IGF1R: variants seen among roughly 807,000 people sequenced by gnomAD.
IGF1R encodes the protein insulin like growth factor 1 receptor.
IGF1R carries 44 observed loss-of-function variants against 144.6 expected under a neutral mutation model. The ratio of observed to expected loss-of-function variants is 0.30; its 90% CI spans 0.24 to 0.39. The LOEUF is 0.39. Ranked by LOEUF, IGF1R falls within the 10% of genes least tolerant of loss-of-function variation. The pLI is 1.00. For missense variants in IGF1R, 1,355 were observed against 1,833.7 expected, an observed-to-expected ratio of 0.74 and a Z score of 4.77; for synonymous variants, 795 against 722.8, an observed-to-expected ratio of 1.10 and a Z score of -1.60.
chr15:98,899,435 C>G (rs765217219), intron 4 of IGF1R, 42 bp from the exon 5 acceptor site: 2 of 1,606,362 alleles, frequency 1.2e-6, no homozygotes, highest in Non-Finnish European at 1.7e-6. Context: ...GTCACCCTTA[C>G]ACCAAGTGAG....
At chr15:98,853,582 G>T (rs540001538) in intron 2 of IGF1R, among the ~76,000 whole-genome samples, 1 of 152,228 alleles carries the variant, frequency 6.6e-6, no homozygotes, top group Non-Finnish European at 1.5e-5. Context: ...AGATGGTTTG[G>T]AATATTTTGT....
At chr15:98,791,396 T>C (rs2056124578) in intron 2 of IGF1R, among the ~76,000 whole-genome samples, 1 of 152,254 alleles carries the variant, frequency 6.6e-6, no homozygotes, top group South Asian at 2.1e-4. Flanking sequence ...TATTTTTATA[T>C]GACATTTTAC....
chr15:98,959,371 A>AC lies in IGF1R; in HGVS notation c.*1935dup, dbSNP rs1007961833. Reference sequence around the variant, plus strand: ...GGCAGGGCCTGTTGTGGCCCTCGCCACCCCCCTCACCGGACCGACTGACCT... The same window carrying AC: ...GGCAGGGCCTGTTGTGGCCCTCGCCACCCCCCCTCACCGGACCGACTGACCT... On this transcript the variant is annotated 3_prime_UTR_variant, in exon 21 of 21. Coordinates refer to ENST00000650285, the MANE Select transcript of IGF1R (RefSeq NM_000875.5). The AC allele has an allele frequency of 3.4e-5, 8 of 233,512 alleles. No homozygotes were observed. Among genetic ancestry groups the AC allele is most frequent in the Non-Finnish European group, 6.8e-5 (8 of 118,024 alleles). 14.5% of individuals were successfully genotyped at this position (233,512 alleles called of 1,614,324 possible).
intron 3 of IGF1R, among the ~76,000 whole-genome samples, chr15:98,893,227 G>A (rs1290940273): frequency 6.6e-6 from 1 of 152,166 alleles, no homozygotes; most frequent in South Asian, 2.1e-4. Context: ...TTTTTCTAGT[G>A]TATTATTTGG....
At chr15:98,815,659 G>C (rs550721484) in intron 2 of IGF1R, among the ~76,000 whole-genome samples, 23 of 152,312 alleles carry the variant, frequency 1.5e-4, no homozygotes, top group African/African-American at 5.1e-4. Flanking sequence ...TCAGTGCGTA[G>C]GATAGGGTCC....
At chr15:98,759,645 A>G (rs1479958551) in intron 2 of IGF1R, among the ~76,000 whole-genome samples, 2 of 152,240 alleles carry the variant, frequency 1.3e-5, no homozygotes, top group Admixed American at 1.3e-4. Context: ...TTCTGTACTG[A>G]ATAAAATAAA....
In IGF1R at chr15:98,963,046, C is replaced by CG. The variant is rs2017286043; in HGVS notation, c.*5607dup. 2 of 233,548 alleles carry CG rather than the reference C, an allele frequency of 8.6e-6. No homozygotes were observed. 14.5% of individuals were successfully genotyped at this position (233,548 alleles called of 1,614,324 possible). ...TAGGGCTCTTAAGTCCAGTAGATTACGGGTAGTCAGTTGACGAAGATCTGG... is the reference window on the plus strand; with the variant it reads ...TAGGGCTCTTAAGTCCAGTAGATTACGGGGTAGTCAGTTGACGAAGATCTGG... On this transcript the variant is annotated 3_prime_UTR_variant, in exon 21 of 21. Transcript: ENST00000650285.
chr15:98,834,687 G>A (rs570013003), intron 2 of IGF1R, among the ~76,000 whole-genome samples: 1 of 152,252 alleles, frequency 6.6e-6, no homozygotes, highest in Admixed American at 6.5e-5. Flanking sequence ...ATCACTAGAC[G>A]AGCCAAGCGA....
chr15:98,803,853 A>G (rs1567136833), intron 2 of IGF1R, among the ~76,000 whole-genome samples: 1 of 152,224 alleles, frequency 6.6e-6, no homozygotes, highest in Non-Finnish European at 1.5e-5. Flanking sequence ...TTAAATAACT[A>G]TAAAAAGTAT....
chr15:98,761,282 G>A (rs567223118), intron 2 of IGF1R, among the ~76,000 whole-genome samples: 3 of 152,360 alleles, frequency 2.0e-5, no homozygotes. Flanking sequence ...TACTGTCACT[G>A]CATACCTCTC....
intron 2 of IGF1R, among the ~76,000 whole-genome samples, chr15:98,866,449 GA>G (rs1247471086): frequency 3.3e-5 from 5 of 152,202 alleles, no homozygotes; most frequent in Non-Finnish European, 7.3e-5. Flanking sequence ...GGAATTTATT[GA>G]AAAGCAGAAT....
intron 2 of IGF1R, among the ~76,000 whole-genome samples, chr15:98,761,030 GT>G (rs1211369535): frequency 6.6e-6 from 1 of 152,250 alleles, no homozygotes; most frequent in East Asian, 1.9e-4. Context: ...TTTGTAGATT[GT>G]TGTCCTCTTG....
chr15:98,912,763 G>GAAAA (rs1299438312), intron 7 of IGF1R, among the ~76,000 whole-genome samples: 1 of 152,146 alleles, frequency 6.6e-6, no homozygotes, highest in Non-Finnish European at 1.5e-5. Context: ...TCAGAAGAGA[G>GAAAA]AAAAATAGTT....
rs35664387 is a variant in IGF1R, at chr15:98,963,184, C to CTG, written c.*5749_*5750dup. On this transcript the variant is annotated 3_prime_UTR_variant, in exon 21 of 21. Coordinates refer to ENST00000650285, the MANE Select transcript of IGF1R (RefSeq NM_000875.5). ...TAATTTAAAGACACTTTTTTTTTCT[C>CTG]TGTGTGTGCAAATGTGTGTTTGTGA... 5 of 222,334 alleles carry CTG rather than the reference C, an allele frequency of 2.2e-5. No homozygotes were observed. Among genetic ancestry groups the CTG allele is most frequent in the African/African-American group, 4.7e-5 (2 of 42,330 alleles). 13.8% of individuals were successfully genotyped at this position (222,334 alleles called of 1,614,324 possible).
chr15:98,949,539 C>G lies in IGF1R; in HGVS notation c.3722+831C>G, dbSNP rs574759336. On this transcript the variant is annotated intron_variant, in intron 20 of 20. Transcript: ENST00000650285. The stretch of plus-strand genomic sequence containing the variant: ...GATTACAGGCACCCACCACCACTCC[C>G]AGCTAATTTTTAGTAGAGATGGGGT... Among the ~76,000 whole-genome samples, 99 of 152,210 alleles carry G rather than the reference C, an allele frequency of 6.5e-4. No homozygotes were observed. In the South Asian group the frequency reaches 0.018, roughly 27 times the overall value.
chr15:98,906,846 C>T lies in IGF1R; in HGVS notation c.1248-1839C>T, dbSNP rs181691523. Among the ~76,000 whole-genome samples the T allele has an allele frequency of 2.3e-3, 345 of 152,350 alleles. 2 individuals are homozygous for T. Among genetic ancestry groups the T allele is most frequent in the Non-Finnish European group, 3.4e-3 (234 of 68,030 alleles). On this transcript the variant is annotated intron_variant, in intron 5 of 20. Coordinates refer to ENST00000650285, the MANE Select transcript of IGF1R (RefSeq NM_000875.5). Reference sequence around the variant, plus strand: ...TGGGCGTGTGAGGAGCCTGACTTAGCTTCAGAGGCTCTGTCTTTCGACTCA... The same window carrying T: ...TGGGCGTGTGAGGAGCCTGACTTAGTTTCAGAGGCTCTGTCTTTCGACTCA...
chr15:98,956,308 G>T (rs2016981504), intron 20 of IGF1R, among the ~76,000 whole-genome samples: 1 of 152,242 alleles, frequency 6.6e-6, no homozygotes, highest in Non-Finnish European at 1.5e-5. Context: ...CCTGTCCCTT[G>T]CGTGTGGAGG....
chr15:98,911,108 C>G (rs1307168828), intron 6 of IGF1R, among the ~76,000 whole-genome samples: 1 of 152,144 alleles, frequency 6.6e-6, no homozygotes, highest in Admixed American at 6.5e-5. Context: ...AACTGATTGA[C>G]CTAAAACAAA....
intron 2 of IGF1R, among the ~76,000 whole-genome samples, chr15:98,759,090 A>G (rs117373126): frequency 1.3e-5 from 2 of 152,340 alleles, no homozygotes; most frequent in East Asian, 1.9e-4. Context: ...ATCACTCAGT[A>G]TAGCAAATCA....
Sources: gnomAD v4.1 joint callset for allele counts (sites outside exome capture counted in the v4.1 genomes callset) on GRCh38, gnomAD v4.1.1 for gene constraint, MANE v1.5 for transcripts, NCBI Gene and HGNC (gene_info 2026-07-23, HGNC 2026-07-21) for gene names.